NCOA3: variants seen among roughly 807,000 people sequenced by gnomAD.
NCOA3 encodes CBP-interacting protein.
NCOA3 carries 51 observed loss-of-function variants against 158.8 expected under a neutral mutation model. The observed-to-expected ratio is 0.32, with a 90% CI of 0.26 to 0.41. The LOEUF (loss-of-function observed/expected upper bound fraction) is 0.41, where lower values mean the gene tolerates loss of function less well. Ranked by LOEUF, NCOA3 falls within the 10% of genes least tolerant of loss-of-function variation. The pLI is 1.00. For missense variants in NCOA3, 1,510 were observed against 1,746.6 expected (o/e 0.86, Z 2.41); for synonymous variants, 537 against 592.4 (o/e 0.91, Z 1.36).
rs147361870 is a variant in NCOA3, at chr20:47,519,395, G to T, written c.-99+17376G>T. On this transcript the variant is annotated intron_variant, in intron 1 of 22. Transcript: ENST00000371998. ...TACAGTGAGTCAAGACTGCACCATT[G>T]TACTCCAGCCTGGGTGACAGAGCGA... Among the ~76,000 whole-genome samples, 22 of 151,314 alleles carry T rather than the reference G, an allele frequency of 1.5e-4. No individual in the cohort carries two copies. In the East Asian group the frequency reaches 3.7e-3, roughly 25 times the overall value.
chr20:47,643,928 A>G (rs561393924), intron 17 of NCOA3, among the ~76,000 whole-genome samples: 45 of 150,950 alleles, frequency 3.0e-4, no homozygotes, highest in African/African-American at 1.0e-3. Flanking sequence ...CTTTGGAATG[A>G]TTTAGGAACT....
chr20:47,627,780 T>G (rs1267417703), intron 7 of NCOA3, 31 bp downstream of exon 7: 1 of 1,601,672 alleles, frequency 6.2e-7, no homozygotes, highest in Non-Finnish European at 8.5e-7. Flanking sequence ...GTGATGTTCA[T>G]GAAACAAATA....
chr20:47,586,012 C>A (rs72645205), intron 2 of NCOA3, among the ~76,000 whole-genome samples: 2,641 of 151,604 alleles, frequency 0.017, 181 homozygotes, highest in Admixed American at 0.12. Context: ...CCTCCACTTC[C>A]AGGGTCAAGT....
chr20:47,638,329 G>C (rs2086550033), intron 13 of NCOA3, among the ~76,000 whole-genome samples: 1 of 152,228 alleles, frequency 6.6e-6, no homozygotes, highest in African/African-American at 2.4e-5. Context: ...AGAATCGCTT[G>C]AACCTGGGAG....
intron 2 of NCOA3, among the ~76,000 whole-genome samples, chr20:47,599,556 T>A (rs1287767642): frequency 6.6e-6 from 1 of 152,228 alleles, no homozygotes; most frequent in Non-Finnish European, 1.5e-5. Context: ...TCAGTAAAGC[T>A]GTTAAAGAAT....
intron 2 of NCOA3, among the ~76,000 whole-genome samples, chr20:47,621,502 T>A (rs557354035): frequency 6.6e-6 from 1 of 152,256 alleles, no homozygotes; most frequent in South Asian, 2.1e-4. Context: ...GTGATCGTCT[T>A]GTTTTAAACA....
chr20:47,550,576 G>A (rs1256594394), intron 1 of NCOA3, among the ~76,000 whole-genome samples: 2 of 152,014 alleles, frequency 1.3e-5, no homozygotes, highest in Admixed American at 1.3e-4. Flanking sequence ...GTTTCTAAGT[G>A]TGTTTTCATC....
intron 1 of NCOA3, among the ~76,000 whole-genome samples, chr20:47,574,407 C>T (rs988448665): frequency 2.0e-5 from 3 of 151,650 alleles, no homozygotes; most frequent in African/African-American, 7.3e-5. Context: ...CTATGGTTTC[C>T]TAGCATGCAT....
chr20:47,624,113 A>T, intron 4 of NCOA3, 30 bp downstream of exon 4: 1 of 1,577,238 alleles, frequency 6.3e-7, no homozygotes, highest in South Asian at 1.2e-5. Flanking sequence ...CTTTTTGAAC[A>T]GTGGTGGTTC....
intron 1 of NCOA3, among the ~76,000 whole-genome samples, chr20:47,558,965 A>G (rs2085057018): frequency 2.0e-5 from 3 of 151,788 alleles, no homozygotes; most frequent in Admixed American, 2.0e-4. Context: ...GATGCCTTTC[A>G]CAGCTTTTTC....
At position 47,567,730 on chromosome 20, in the gene NCOA3, C is replaced by T. The variant is rs190202086; in HGVS notation, c.-98-15453C>T. Among the ~76,000 whole-genome samples the T allele has an allele frequency of 4.3e-3, 649 of 151,994 alleles. 6 individuals are homozygous for T. The highest frequency in any genetic ancestry group is 0.015 in the African/African-American group (610 of 41,406). Reference sequence around the variant, plus strand: ...GATTACAGGTACATGCTACCGTGCCCGGCCAATATTTTGTATTTTTAGTAG... The same window carrying T: ...GATTACAGGTACATGCTACCGTGCCTGGCCAATATTTTGTATTTTTAGTAG... On this transcript the variant is annotated intron_variant, in intron 1 of 22. Transcript: ENST00000371998.
chr20:47,635,244 T>C (rs957357194), intron 10 of NCOA3, 78 bp from the exon 11 acceptor site: 3 of 1,401,058 alleles, frequency 2.1e-6, no homozygotes, highest in Admixed American at 2.3e-5. Flanking sequence ...TTTAAAATTT[T>C]ATTTTATTTT....
At chr20:47,537,748 T>C (rs2146121098) in intron 1 of NCOA3, among the ~76,000 whole-genome samples, 1 of 152,080 alleles carries the variant, frequency 6.6e-6, no homozygotes, top group South Asian at 2.1e-4. Context: ...CCCGGCTAAT[T>C]TTTTCTACTT....
At chr20:47,619,941 G>A (rs560467318) in intron 2 of NCOA3, among the ~76,000 whole-genome samples, 62 of 151,762 alleles carry the variant, frequency 4.1e-4, no homozygotes, top group Admixed American at 2.6e-4. Context: ...GACTACAGGC[G>A]CCTGCCACCA....
At chr20:47,522,217 C>T (rs894912895) in intron 1 of NCOA3, among the ~76,000 whole-genome samples, 1 of 150,752 alleles carries the variant, frequency 6.6e-6, no homozygotes, top group East Asian at 1.9e-4. Context: ...ATTCTCCTGC[C>T]TCAGCCTCCG....
intron 1 of NCOA3, among the ~76,000 whole-genome samples, chr20:47,515,455 G>A (rs911812134): frequency 1.3e-5 from 2 of 149,074 alleles, no homozygotes; most frequent in African/African-American, 2.5e-5. Flanking sequence ...CACCACACCC[G>A]AGCTTTTTCT....
intron 1 of NCOA3, among the ~76,000 whole-genome samples, chr20:47,506,531 T>C (rs2084033976): frequency 1.3e-5 from 2 of 152,188 alleles, no homozygotes; most frequent in South Asian, 4.1e-4. Flanking sequence ...TACCAAACTT[T>C]GTTAGCATTA....
intron 1 of NCOA3, among the ~76,000 whole-genome samples, chr20:47,561,121 A>G (rs908678384): frequency 2.6e-5 from 4 of 151,490 alleles, no homozygotes; most frequent in Admixed American, 1.3e-4. Context: ...TCACAGATGC[A>G]TGCCACCATA....
At chr20:47,627,230 T>G (rs1210529176) in intron 6 of NCOA3, 54 bp downstream of exon 6, 78 of 1,396,866 alleles carry the variant, frequency 5.6e-5, no homozygotes, top group East Asian at 1.9e-4. Context: ...CCTTGACCAT[T>G]TCTTAGAAAA....
Sources: allele counts gnomAD v4.1 joint callset (sites outside exome capture counted in the v4.1 genomes callset), GRCh38; gene constraint gnomAD v4.1.1; transcripts MANE v1.5; gene names NCBI Gene and HGNC (gene_info 2026-07-23, HGNC 2026-07-21).